The following ABCC4 variants were observed in gnomAD, a reference collection of about 807,000 sequenced individuals.
ABCC4 encodes ATP binding cassette subfamily C member 4 (PEL blood group).
In ABCC4, 102 loss-of-function variants were observed where a neutral mutation model predicts 168.5. The ratio of observed to expected loss-of-function variants is 0.61; its 90% CI spans 0.52 to 0.71. The LOEUF is 0.71. Ranked by LOEUF, ABCC4 falls within the 30% of genes least tolerant of loss-of-function variation. The pLI, the probability that ABCC4 is intolerant of heterozygous loss-of-function variation, is 0.00. For synonymous variants in ABCC4, 617 were observed against 590.7 expected (o/e 1.04, Z -0.65); for missense variants, 1,402 against 1,605.8 (o/e 0.87, Z 2.17).
chr13:95,151,603 AG>A, intron 19 of ABCC4, among the ~76,000 whole-genome samples: 1 of 83,326 alleles, frequency 1.2e-5, no homozygotes, highest in Non-Finnish European at 2.4e-5. Context: ...AAGGAGGAGG[AG>A]AAGGAGAAGG....
chr13:95,277,994 GTCA>G (rs2041013207), intron 1 of ABCC4, among the ~76,000 whole-genome samples: 1 of 152,166 alleles, frequency 6.6e-6, no homozygotes, highest in African/African-American at 2.4e-5. Flanking sequence ...AGCCAGGACA[GTCA>G]CCACCAAGGG....
At chr13:95,069,101 G>A (rs745714561) in intron 25 of ABCC4, among the ~76,000 whole-genome samples, 5 of 152,192 alleles carry the variant, frequency 3.3e-5, no homozygotes, top group Non-Finnish European at 4.4e-5. Context: ...TCATTCAATT[G>A]TGACTATAGC....
At chr13:95,182,344 CTT>C (rs148748821) in intron 11 of ABCC4, among the ~76,000 whole-genome samples, 132,026 of 152,112 alleles carry the variant, frequency 0.87, 57,512 homozygotes, top group African/African-American at 0.91. Flanking sequence ...AATTCCATGC[CTT>C]TTTGGATACA....
At chr13:95,105,475 T>C (rs758885528) in intron 20 of ABCC4, among the ~76,000 whole-genome samples, 2 of 152,130 alleles carry the variant, frequency 1.3e-5, no homozygotes, top group Non-Finnish European at 2.9e-5. Flanking sequence ...AAATTTAACA[T>C]TTACCCCTGG....
At chr13:95,228,273 C>G (rs758769725) in intron 4 of ABCC4, among the ~76,000 whole-genome samples, 1 of 151,990 alleles carries the variant, frequency 6.6e-6, no homozygotes. Context: ...CAGCGCATGA[C>G]GGTGCATTTA....
Position 95,073,258 on chromosome 13 carries a change from C to T in ABCC4, c.2964G>A (p.Thr988=), listed in dbSNP as rs542982093. ...QVGLALSYAL[T]LMGMFQWCVR... is the part of the protein sequence containing the mutation. ...CACACCACTGAAACATCCCCATGAG[C>T]GTGAGGGCATAGGACAGTGCCAAAC... The change falls in exon 24 of 31, where the codon ACG becomes ACA. Residue 988 remains threonine (T), a synonymous_variant. Coordinates refer to ENST00000645237, the MANE Select transcript of ABCC4 (RefSeq NM_005845.5). 23 of 1,613,988 alleles carry T rather than the reference C, an allele frequency of 1.4e-5. No individual in the cohort carries two copies. The East Asian group carries it at 1.8e-4, about 13-fold the overall frequency.
At chr13:95,136,735 G>C (rs2036154732) in intron 19 of ABCC4, among the ~76,000 whole-genome samples, 2 of 152,166 alleles carry the variant, frequency 1.3e-5, no homozygotes, top group Admixed American at 6.5e-5. Flanking sequence ...CTCACCTAAG[G>C]GTGGTGGACA....
chr13:95,170,825 G>C (rs2037444886), intron 13 of ABCC4, among the ~76,000 whole-genome samples, 197 bp from the exon 14 acceptor site: 1 of 152,132 alleles, frequency 6.6e-6, no homozygotes, highest in African/African-American at 2.4e-5. Context: ...GAGCCTTGCT[G>C]TGGTGAAATC....
intron 8 of ABCC4, among the ~76,000 whole-genome samples, chr13:95,195,611 C>A (rs1414059986): frequency 1.3e-5 from 2 of 152,118 alleles, no homozygotes; most frequent in South Asian, 2.1e-4. Context: ...TTATAAGCTT[C>A]TTTTCACAAT....
At chr13:95,224,217 G>T (rs1396587783) in intron 4 of ABCC4, among the ~76,000 whole-genome samples, 3 of 135,722 alleles carry the variant, frequency 2.2e-5, no homozygotes, top group Non-Finnish European at 3.2e-5. Context: ...AAAAAAAAAA[G>T]AGAAACATTA....
At chr13:95,178,618 T>C (rs1387824259) in intron 11 of ABCC4, among the ~76,000 whole-genome samples, 1 of 152,088 alleles carries the variant, frequency 6.6e-6, no homozygotes, top group Non-Finnish European at 1.5e-5. Context: ...CATAGAGGAA[T>C]GAGCAAGCAC....
chr13:95,127,690 C>T (rs2035830757), intron 19 of ABCC4, among the ~76,000 whole-genome samples: 1 of 152,126 alleles, frequency 6.6e-6, no homozygotes, highest in Non-Finnish European at 1.5e-5. Context: ...GAACTCTATC[C>T]CCTCAGTGGT....
chr13:95,062,899 A>T (rs1265215245), intron 25 of ABCC4, 40 bp from the exon 26 acceptor site: 1 of 1,420,968 alleles, frequency 7.0e-7, no homozygotes. Context: ...AAAAAAAAAG[A>T]AAAAAATCAC....
At chr13:95,079,499 T>C (rs1437213824) in intron 21 of ABCC4, among the ~76,000 whole-genome samples, 1 of 152,140 alleles carries the variant, frequency 6.6e-6, no homozygotes, top group Non-Finnish European at 1.5e-5. Context: ...CTCATAAGTA[T>C]TATATCCTTG....
At chr13:95,242,967 A>C (rs2039987306) in intron 3 of ABCC4, among the ~76,000 whole-genome samples, 1 of 152,244 alleles carries the variant, frequency 6.6e-6, no homozygotes, top group Non-Finnish European at 1.5e-5. Flanking sequence ...AAGTTCTACC[A>C]GTTATTATGT....
chr13:95,197,171 C>T (rs902662612), intron 8 of ABCC4, among the ~76,000 whole-genome samples: 10 of 152,174 alleles, frequency 6.6e-5, no homozygotes, highest in East Asian at 3.9e-4. Context: ...GCACTGCACA[C>T]GGGGTCAGCT....
chr13:95,223,317 T>C (rs2039356435), intron 4 of ABCC4, among the ~76,000 whole-genome samples: 1 of 152,130 alleles, frequency 6.6e-6, no homozygotes. Context: ...AAAGCAGTCT[T>C]CATAATAAAA....
intron 5 of ABCC4, among the ~76,000 whole-genome samples, chr13:95,210,482 C>T (rs377168948): frequency 1.1e-4 from 17 of 152,156 alleles, no homozygotes; most frequent in Non-Finnish European, 1.9e-4. Flanking sequence ...TAGCTGTTCA[C>T]GGTGATGCAC....
At chr13:95,021,927 AG>A (rs1198985772) in intron 30 of ABCC4, among the ~76,000 whole-genome samples, 1 of 152,194 alleles carries the variant, frequency 6.6e-6, no homozygotes, top group East Asian at 1.9e-4. Flanking sequence ...TCTGATTCAT[AG>A]ATATGTTTTA....
Sources: allele counts gnomAD v4.1 joint callset (sites outside exome capture counted in the v4.1 genomes callset), GRCh38; gene constraint gnomAD v4.1.1; transcripts MANE v1.5; gene names NCBI Gene and HGNC (gene_info 2026-07-23, HGNC 2026-07-21).